The following BEND5 variants were observed in gnomAD, a reference collection of about 807,000 sequenced individuals.
BEND5 encodes BEN domain containing 5.
BEND5 carries 22 observed loss-of-function variants against 43.9 expected under a neutral mutation model. That is an observed-to-expected ratio of 0.50 (90% CI 0.36 to 0.72). The LOEUF (loss-of-function observed/expected upper bound fraction) is 0.72. BEND5 is among the 30% of genes least tolerant of loss of function. The pLI is 0.00. For missense variants in BEND5, 428 were observed against 550.6 expected (o/e 0.78, Z 2.23); for synonymous variants, 228 against 225.9 (o/e 1.01, Z -0.08).
At chr1:48,735,584 C>A (rs1376232168) in intron 5 of BEND5, among the ~76,000 whole-genome samples, 1 of 151,956 alleles carries the variant, frequency 6.6e-6, no homozygotes, top group East Asian at 1.9e-4. Flanking sequence ...ATTCCAGAGT[C>A]CAGGATACAG....
intron 3 of BEND5, among the ~76,000 whole-genome samples, chr1:48,743,419 T>C (rs1650243920): frequency 6.6e-6 from 1 of 152,194 alleles, no homozygotes; most frequent in Non-Finnish European, 1.5e-5. Flanking sequence ...TCTAAAGGGG[T>C]TATTTTTTCT....
At chr1:48,769,756 T>C (rs1644719318) in intron 1 of BEND5, among the ~76,000 whole-genome samples, 1 of 152,200 alleles carries the variant, frequency 6.6e-6, no homozygotes, top group South Asian at 2.1e-4. Flanking sequence ...TATTTTTCCA[T>C]ATTATCCTGC....
Position 48,776,763 on chromosome 1 carries a change from G to C in BEND5, c.69C>G (p.Asp23Glu). 1 of 1,526,110 alleles carries C rather than the reference G, an allele frequency of 6.6e-7. No individual in the cohort carries two copies. Among genetic ancestry groups the C allele is most frequent in the Non-Finnish European group, 8.8e-7 (1 of 1,137,138 alleles). The allele number at this position is 1,526,110 out of a possible 1,614,324, so 94.5% of individuals were successfully genotyped here. Residue 23 changes from aspartate (D) to glutamate (E), a missense_variant, in exon 1 of 6, where the codon GAC becomes GAG. Physicochemically the swap from Asp to Glu is conservative, Grantham distance 45. Coordinates refer to ENST00000371833, the MANE Select transcript of BEND5 (RefSeq NM_024603.4). ...AATCCAGCCGCGAGCGGGGGCTGAA[G>C]TCGCGCACGCACGACACGGGCAGCG... ...CYALPVSCVR[D>E]FSPRSRLDFD...
At position 48,736,202 on chromosome 1, in the gene BEND5, A is replaced by G. The variant is rs1377604724; in HGVS notation, c.1108+37T>C. The G allele has an allele frequency of 1.9e-6, 3 of 1,577,050 alleles. No individual in the cohort carries two copies. The East Asian group carries it at 6.7e-5, about 35-fold the overall frequency. On this transcript the variant is annotated intron_variant, in intron 5 of 5. Coordinates refer to ENST00000371833, the MANE Select transcript of BEND5 (RefSeq NM_024603.4). This position sits in a 1 kb window ranked among gnomAD's most constrained non-coding sequence, Gnocchi z 4.0. ...ACACATTCTTGACAGAGTAAAAGAC[A>G]GAATCCCAGCCATTGTGTTTCCACT...
At chr1:48,750,711 C>T (rs909806270) in intron 3 of BEND5, among the ~76,000 whole-genome samples, 3 of 152,166 alleles carry the variant, frequency 2.0e-5, no homozygotes, top group Admixed American at 2.0e-4. Context: ...TCAGAGCTAT[C>T]CAATAATGAG....
intron 1 of BEND5, among the ~76,000 whole-genome samples, chr1:48,767,542 T>A (rs932588180): frequency 6.6e-6 from 1 of 152,178 alleles, no homozygotes; most frequent in Non-Finnish European, 1.5e-5. Context: ...TCTTGACTGG[T>A]CACATGAATG....
chr1:48,734,257 G>A lies in BEND5; in HGVS notation c.1108+1982C>T, dbSNP rs974899095. ...AACAAGCCCCAGACCAGAGTCGGCG[G>A]GTGTGTGTTTGAATCTAGGCTCTGA... On this transcript the variant is annotated intron_variant, in intron 5 of 5. Coordinates refer to ENST00000371833, the MANE Select transcript of BEND5 (RefSeq NM_024603.4). 2.0e-5 allele frequency among the ~76,000 whole-genome samples: 3 copies of A among 152,270 alleles called. No homozygotes were observed. In the East Asian group the frequency reaches 5.8e-4, roughly 29 times the overall value.
chr1:48,735,936 C>T (rs1297625833), intron 5 of BEND5, among the ~76,000 whole-genome samples: 1 of 152,174 alleles, frequency 6.6e-6, no homozygotes, highest in Non-Finnish European at 1.5e-5. Flanking sequence ...CCCAGGAATT[C>T]TTCCCTGATT....
rs1645106620 is a variant in BEND5, at chr1:48,776,672, G to A, written c.160C>T (p.Pro54Ser). ...PEELGAGPES[P>S]PRAPRDWGAL... ...CCCCAGTCGCGGGGGGCGCGCGGGGGGCTCTCGGGCCCGGCGCCCAATTCC... is the reference window on the plus strand; with the variant it reads ...CCCCAGTCGCGGGGGGCGCGCGGGGAGCTCTCGGGCCCGGCGCCCAATTCC... The change falls in exon 1 of 6, where the codon CCC becomes TCC. Residue 54 changes from proline to serine, a missense_variant. By Grantham distance (74) the Pro-to-Ser change is moderately conservative (BLOSUM62 -1). Coordinates refer to ENST00000371833, the MANE Select transcript of BEND5 (RefSeq NM_024603.4). The A allele has an allele frequency of 8.0e-6, 12 of 1,500,092 alleles. No individual in the cohort carries two copies. The highest frequency in any genetic ancestry group is 4.7e-5 in the Admixed American group (2 of 42,714). The allele number at this position is 1,500,092 out of a possible 1,614,324, so 92.9% of individuals were successfully genotyped here.
At chr1:48,765,910 A>G (rs911235823) in intron 1 of BEND5, among the ~76,000 whole-genome samples, 5 of 152,160 alleles carry the variant, frequency 3.3e-5, no homozygotes, top group African/African-American at 9.7e-5. Context: ...GAGCAGGGGG[A>G]AAAGGGCAAT....
chr1:48,769,217 G>A (rs907895241), intron 1 of BEND5, among the ~76,000 whole-genome samples: 30 of 152,092 alleles, frequency 2.0e-4, no homozygotes, highest in African/African-American at 6.3e-4. Context: ...ATTCTTCCAC[G>A]TGGGCATGTT....
chr1:48,757,724 T>C (rs1644016536), intron 3 of BEND5, among the ~76,000 whole-genome samples: 2 of 152,172 alleles, frequency 1.3e-5, no homozygotes, highest in African/African-American at 2.4e-5. Context: ...TAAGAATAAA[T>C]CAAAGAAGAA....
intron 1 of BEND5, 69 bp downstream of exon 1, chr1:48,776,537 G>GC: frequency 8.6e-7 from 1 of 1,164,004 alleles, no homozygotes. Flanking sequence ...CTCCGCCCGG[G>GC]CCCCCGGCCC....
At chr1:48,730,225 T>C (rs1647879502) in intron 5 of BEND5, among the ~76,000 whole-genome samples, 1 of 152,078 alleles carries the variant, frequency 6.6e-6, no homozygotes, top group South Asian at 2.1e-4. Flanking sequence ...ATTCCCTCTC[T>C]ACCCCAGGCC....
At chr1:48,765,471 T>G (rs1365792810) in intron 1 of BEND5, among the ~76,000 whole-genome samples, 1 of 152,214 alleles carries the variant, frequency 6.6e-6, no homozygotes, top group Non-Finnish European at 1.5e-5. Context: ...CTGCTGGGTA[T>G]TGTAGAATGG....
chr1:48,758,757 T>A (rs1644085629), intron 3 of BEND5, 143 bp downstream of exon 3: 1 of 684,008 alleles, frequency 1.5e-6, no homozygotes, highest in Admixed American at 3.0e-5. Flanking sequence ...TGACTCTTCC[T>A]TGAGGTAACT....
chr1:48,754,965 G>A (rs12407980), intron 3 of BEND5, among the ~76,000 whole-genome samples: 56,301 of 152,096 alleles, frequency 0.37, 13,216 homozygotes, highest in Non-Finnish European at 0.53. Flanking sequence ...CAAAATGACG[G>A]TGACAGTCTA....
At position 48,736,452 on chromosome 1, in the gene BEND5, C is replaced by T. The variant is rs1257246284; in HGVS notation, c.895G>A (p.Val299Ile). Residue 299 changes from valine (V) to isoleucine (I), a missense_variant and splice_region_variant, in exon 5 of 6, where the codon GTC becomes ATC. Val to Ile is a conservative substitution (Grantham distance 29). Transcript: ENST00000371833. The surrounding 1 kb of genome is among the most constrained non-coding windows in gnomAD (Gnocchi z 4.0). ...ACCCAAATCCCGCTTCCCAGATGGACCTGAGAGGAATAAGAACACCAGCAC... is the reference window on the plus strand; with the variant it reads ...ACCCAAATCCCGCTTCCCAGATGGATCTGAGAGGAATAAGAACACCAGCAC... ...MDKYILDNGK[V>I]HLGSGIWVDE... The T allele has an allele frequency of 6.2e-7, 1 of 1,613,952 alleles. No individual in the cohort carries two copies. Among genetic ancestry groups the T allele is most frequent in the Admixed American group, 1.7e-5 (1 of 60,018 alleles).
chr1:48,728,012 A>T lies in BEND5; in HGVS notation c.1140T>A (p.Thr380=). The change falls in exon 6 of 6, where the codon ACT becomes ACA. Residue 380 remains threonine (T), a synonymous_variant. Transcript: ENST00000371833. ...ECLYDRIAQE[T]VDETEIAQRL... The stretch of plus-strand genomic sequence containing the variant: ...TCTGTGCAATTTCAGTTTCATCCAC[A>T]GTTTCTTGTGCTATTCTGTCATACA... The T allele has an allele frequency of 6.2e-7, 1 of 1,612,138 alleles. No homozygotes were observed.
Sources: allele counts gnomAD v4.1 joint callset (sites outside exome capture counted in the v4.1 genomes callset), GRCh38; gene constraint gnomAD v4.1.1; non-coding constraint Gnocchi (gnomAD v3.1); transcripts MANE v1.5; gene names NCBI Gene and HGNC (gene_info 2026-07-23, HGNC 2026-07-21).